The following SNTB1 variants were observed in gnomAD, a reference collection of about 807,000 sequenced individuals.
The protein encoded by SNTB1 is syntrophin beta 1.
SNTB1 carries 36 observed loss-of-function variants against 48.9 expected under a neutral mutation model. The observed-to-expected ratio is 0.74, with a 90% confidence interval of 0.56 to 0.97. The LOEUF (loss-of-function observed/expected upper bound fraction) is 0.97, where lower values mean the gene tolerates loss of function less well. SNTB1 is among the 50% of genes least tolerant of loss of function. The probability of loss-of-function intolerance (pLI) is 0.00; values close to 1 mark genes in which losing one functional copy is unlikely to be tolerated. For synonymous variants in SNTB1, 299 were observed against 294.6 expected (o/e 1.01, Z -0.15); for missense variants, 786 against 703.4 (o/e 1.12, Z -1.33).
chr8:120,633,387 C>A (rs1244845725), intron 2 of SNTB1, among the ~76,000 whole-genome samples: 2 of 152,096 alleles, frequency 1.3e-5, no homozygotes, highest in Non-Finnish European at 2.9e-5. Context: ...GGGCAGATCA[C>A]CTGAGGTCAG....
intron 1 of SNTB1, among the ~76,000 whole-genome samples, chr8:120,784,218 T>G (rs1462756840): frequency 6.6e-6 from 1 of 152,118 alleles, no homozygotes; most frequent in Non-Finnish European, 1.5e-5. Context: ...GGTTTTGAAC[T>G]CCTGACCTCA....
At chr8:120,625,617 G>A (rs1000563504) in intron 3 of SNTB1, among the ~76,000 whole-genome samples, 3 of 152,316 alleles carry the variant, frequency 2.0e-5, no homozygotes, top group Admixed American at 1.3e-4. Flanking sequence ...AACACTTGTA[G>A]CAAAAGACTA....
intron 1 of SNTB1, among the ~76,000 whole-genome samples, chr8:120,797,171 A>T (rs13249451): frequency 1.3e-5 from 2 of 152,042 alleles, no homozygotes; most frequent in Non-Finnish European, 2.9e-5. Flanking sequence ...TGATAAACAC[A>T]CCGTACAAAA....
chr8:120,797,128 CTT>C (rs1006771640), intron 1 of SNTB1, among the ~76,000 whole-genome samples: 8 of 151,962 alleles, frequency 5.3e-5, no homozygotes, highest in African/African-American at 1.9e-4. Flanking sequence ...GCTGTAGAAA[CTT>C]ATATTTATTT....
chr8:120,563,948 A>C (rs958808350), intron 4 of SNTB1, among the ~76,000 whole-genome samples: 1 of 152,134 alleles, frequency 6.6e-6, no homozygotes, highest in African/African-American at 2.4e-5. Context: ...TCTACTAAAA[A>C]TACAAAAAAA....
At chr8:120,625,655 AT>A (rs1171645102) in intron 3 of SNTB1, among the ~76,000 whole-genome samples, 1 of 152,176 alleles carries the variant, frequency 6.6e-6, no homozygotes, top group African/African-American at 2.4e-5. Context: ...CTGCTGCCAG[AT>A]TTTTTTCTTA....
rs537134132 is a variant in SNTB1 at position 120,786,045 on chromosome 8, G to A, written c.571+25228C>T. On this transcript the variant is annotated intron_variant, in intron 1 of 6. Transcript: ENST00000517992. ...ACCAAGGAAATCTCACACAATCTAC[G>A]TGACTTCCCTCCTACTCCCATCAGA... Among the ~76,000 whole-genome samples the A allele has an allele frequency of 5.9e-5, 9 of 152,304 alleles. No individual in the cohort carries two copies. The East Asian group carries it at 9.6e-4, about 16-fold the overall frequency.
At chr8:120,674,050 C>T (rs1221777669) in intron 2 of SNTB1, among the ~76,000 whole-genome samples, 1 of 152,178 alleles carries the variant, frequency 6.6e-6, no homozygotes, top group Admixed American at 6.5e-5. Context: ...AACTGTTATA[C>T]TGACCGAGGC....
chr8:120,618,961 T>C (rs1816754255), intron 3 of SNTB1, among the ~76,000 whole-genome samples: 1 of 152,174 alleles, frequency 6.6e-6, no homozygotes, highest in Non-Finnish European at 1.5e-5. Flanking sequence ...CTAGCAATTA[T>C]GTTTAAGGTT....
intron 2 of SNTB1, among the ~76,000 whole-genome samples, chr8:120,662,810 A>G (rs953546378): frequency 2.6e-5 from 4 of 152,180 alleles, no homozygotes; most frequent in Admixed American, 6.5e-5. Flanking sequence ...CTACAAAAAC[A>G]TAAACTGAAA....
chr8:120,556,015 G>A (rs867086082), intron 4 of SNTB1, among the ~76,000 whole-genome samples: 9 of 152,178 alleles, frequency 5.9e-5, no homozygotes, highest in African/African-American at 1.9e-4. Context: ...GCACCACCCA[G>A]TCTGTGGTAT....
intron 3 of SNTB1, among the ~76,000 whole-genome samples, chr8:120,580,055 A>G (rs944811277): frequency 1.1e-4 from 16 of 152,210 alleles, no homozygotes; most frequent in Non-Finnish European, 1.5e-5. Flanking sequence ...CACCTCCTCA[A>G]CTTCAAAATC....
chr8:120,719,510 T>G (rs1337560989), intron 1 of SNTB1, among the ~76,000 whole-genome samples: 2 of 152,162 alleles, frequency 1.3e-5, no homozygotes, highest in African/African-American at 2.4e-5. Flanking sequence ...CATGGACAAG[T>G]GGTTGGTCTG....
At chr8:120,617,687 T>G (rs577012587) in intron 3 of SNTB1, among the ~76,000 whole-genome samples, 2 of 152,272 alleles carry the variant, frequency 1.3e-5, no homozygotes, top group South Asian at 4.1e-4. Flanking sequence ...CATAATAGCG[T>G]GTCCAACCTT....
At chr8:120,740,796 C>T (rs1055108648) in intron 1 of SNTB1, among the ~76,000 whole-genome samples, 1 of 151,544 alleles carries the variant, frequency 6.6e-6, no homozygotes, top group Non-Finnish European at 1.5e-5. Context: ...TTATTTTTTG[C>T]AGCACATAAA....
chr8:120,802,461 A>G (rs1820245265), intron 1 of SNTB1, among the ~76,000 whole-genome samples: 1 of 152,124 alleles, frequency 6.6e-6, no homozygotes, highest in Non-Finnish European at 1.5e-5. Context: ...AGCAGCCTAC[A>G]CTGTGGTCTG....
At chr8:120,723,594 T>C (rs536807879) in intron 1 of SNTB1, among the ~76,000 whole-genome samples, 80 of 152,258 alleles carry the variant, frequency 5.3e-4, no homozygotes, top group Non-Finnish European at 9.3e-4. Flanking sequence ...GAGACACATA[T>C]ACTGAAGCAG....
intron 4 of SNTB1, among the ~76,000 whole-genome samples, chr8:120,574,574 G>A (rs1420713971): frequency 6.6e-6 from 1 of 152,134 alleles, no homozygotes; most frequent in Non-Finnish European, 1.5e-5. Context: ...AATAATAAAT[G>A]TGCACTGAAG....
intron 1 of SNTB1, among the ~76,000 whole-genome samples, chr8:120,779,692 G>T (rs1437025502): frequency 6.6e-6 from 1 of 152,150 alleles, no homozygotes; most frequent in Non-Finnish European, 1.5e-5. Context: ...AACTTTGAGA[G>T]ATAGGCAGGG....
Sources: allele counts gnomAD v4.1 joint callset (sites outside exome capture counted in the v4.1 genomes callset), GRCh38; gene constraint gnomAD v4.1.1; transcripts MANE v1.5; gene names NCBI Gene and HGNC (gene_info 2026-07-23, HGNC 2026-07-21).